The following PLCL1 variants were observed in gnomAD, a reference collection of about 807,000 sequenced individuals.
PLCL1 encodes inactive phospholipase C-like protein 1.
PLCL1 carries 41 observed loss-of-function variants against 84.4 expected under a neutral mutation model. The ratio of observed to expected loss-of-function variants is 0.49; its 90% CI spans 0.38 to 0.63. The LOEUF (loss-of-function observed/expected upper bound fraction) is 0.63. Ranked by LOEUF, PLCL1 falls within the 30% of genes least tolerant of loss-of-function variation. The pLI is 0.00. For missense variants in PLCL1, 1,206 were observed against 1,367.8 expected (o/e 0.88, Z 1.87); for synonymous variants, 490 against 488.3 (o/e 1.00, Z -0.05).
At chr2:197,935,907 G>T (rs1000011285) in intron 1 of PLCL1, among the ~76,000 whole-genome samples, 2 of 152,004 alleles carry the variant, frequency 1.3e-5, no homozygotes, top group African/African-American at 4.8e-5. Context: ...TCCCACCTAT[G>T]CCAGTTCCCA....
At position 197,870,963 on chromosome 2, in the gene PLCL1, C is replaced by T. The variant is rs908789520; in HGVS notation, c.240+65624C>T. On this transcript the variant is annotated intron_variant, in intron 1 of 5. Coordinates refer to ENST00000428675, the MANE Select transcript of PLCL1 (RefSeq NM_006226.4). ...CCATCCGTGATTCAGATGCTCACCT[C>T]GGGAGAGGAGCTGTTTTTCTGGATA... Among the ~76,000 whole-genome samples the T allele has an allele frequency of 5.9e-5, 9 of 151,988 alleles. No homozygotes were observed. In the South Asian group the frequency reaches 1.0e-3, roughly 18 times the overall value.
At chr2:197,969,863 C>T (rs1048214418) in intron 1 of PLCL1, among the ~76,000 whole-genome samples, 1 of 152,192 alleles carries the variant, frequency 6.6e-6, no homozygotes, top group Non-Finnish European at 1.5e-5. Context: ...CCCTGAATGA[C>T]TGCAATGTCC....
chr2:198,045,178 C>G (rs933242071), intron 1 of PLCL1, among the ~76,000 whole-genome samples: 1 of 152,058 alleles, frequency 6.6e-6, no homozygotes, highest in African/African-American at 2.4e-5. Context: ...TATTTATATC[C>G]CAAAACATAG....
chr2:197,959,816 C>G (rs1689572756), intron 1 of PLCL1, among the ~76,000 whole-genome samples: 1 of 152,094 alleles, frequency 6.6e-6, no homozygotes, highest in Non-Finnish European at 1.5e-5. Context: ...CAGATGCTAC[C>G]TGTAGGAGTG....
Position 197,910,449 on chromosome 2 carries a change from C to T in PLCL1, c.240+105110C>T, listed in dbSNP as rs141363808. On this transcript the variant is annotated intron_variant, in intron 1 of 5. Transcript: ENST00000428675. ...TTACCCAAGCCCTCCTTTTACCCCA[C>T]GACCATCTCAGAGATGATTGCTCCT... Among the ~76,000 whole-genome samples, 660 of 152,276 alleles carry T rather than the reference C, an allele frequency of 4.3e-3. 5 individuals carry two copies. The highest frequency in any genetic ancestry group is 0.017 in the Middle Eastern group (5 of 294).
At chr2:197,964,548 G>A (rs1428580490) in intron 1 of PLCL1, among the ~76,000 whole-genome samples, 1 of 152,012 alleles carries the variant, frequency 6.6e-6, no homozygotes, top group East Asian at 1.9e-4. Context: ...CTGCAAACAA[G>A]GAAATTTGAC....
intron 5 of PLCL1, among the ~76,000 whole-genome samples, chr2:198,119,573 C>T (rs1156855970): frequency 1.3e-5 from 2 of 151,886 alleles, no homozygotes; most frequent in South Asian, 2.1e-4. Context: ...CTCTTCATCA[C>T]TCACATCCAG....
At chr2:197,977,505 C>T (rs950831471) in intron 1 of PLCL1, among the ~76,000 whole-genome samples, 2 of 152,186 alleles carry the variant, frequency 1.3e-5, no homozygotes, top group Admixed American at 1.3e-4. Context: ...CTATTCTGAG[C>T]TTTTTCCAAT....
intron 1 of PLCL1, among the ~76,000 whole-genome samples, chr2:198,029,382 T>C (rs186603291): frequency 5.3e-5 from 8 of 152,298 alleles, no homozygotes; most frequent in Admixed American, 4.6e-4. Flanking sequence ...AGAGAGTATC[T>C]ATTCTTAAAG....
At chr2:197,837,283 G>A (rs991434983) in intron 1 of PLCL1, among the ~76,000 whole-genome samples, 1 of 152,174 alleles carries the variant, frequency 6.6e-6, no homozygotes, top group Non-Finnish European at 1.5e-5. Flanking sequence ...GGTTTTATAT[G>A]CATTAATGAT....
intron 3 of PLCL1, among the ~76,000 whole-genome samples, chr2:198,100,347 T>C (rs370914751): frequency 6.6e-6 from 1 of 151,852 alleles, no homozygotes; most frequent in Non-Finnish European, 1.5e-5. Flanking sequence ...AAAAATAGAA[T>C]GTTTTGGGAA....
At chr2:198,066,371 A>G (rs558085894) in intron 1 of PLCL1, among the ~76,000 whole-genome samples, 3 of 152,302 alleles carry the variant, frequency 2.0e-5, no homozygotes, top group Admixed American at 6.5e-5. Flanking sequence ...TGTTTCTACA[A>G]GCAGCTCCTC....
intron 1 of PLCL1, among the ~76,000 whole-genome samples, chr2:197,992,306 C>T (rs917923041): frequency 6.6e-6 from 1 of 151,924 alleles, no homozygotes; most frequent in Non-Finnish European, 1.5e-5. Flanking sequence ...ACTCTGTCAC[C>T]CAGGCTGGAG....
intron 1 of PLCL1, among the ~76,000 whole-genome samples, chr2:197,879,434 C>T (rs1390609765): frequency 1.3e-5 from 2 of 152,150 alleles, no homozygotes. Context: ...GCTGTAATTA[C>T]AGTAGTGCTG....
chr2:197,836,515 G>C (rs1262931035), intron 1 of PLCL1, among the ~76,000 whole-genome samples: 1 of 144,604 alleles, frequency 6.9e-6, no homozygotes, highest in African/African-American at 2.6e-5. Context: ...TGTCACTTCC[G>C]TCTTAGAATA....
At chr2:197,922,838 C>T (rs1688736660) in intron 1 of PLCL1, among the ~76,000 whole-genome samples, 1 of 131,554 alleles carries the variant, frequency 7.6e-6, no homozygotes, top group Admixed American at 7.3e-5. Flanking sequence ...TCCTCACTTC[C>T]CAGTAGGGGC....
chr2:197,957,544 T>C (rs1689518042), intron 1 of PLCL1, among the ~76,000 whole-genome samples: 1 of 152,086 alleles, frequency 6.6e-6, no homozygotes, highest in African/African-American at 2.4e-5. Flanking sequence ...AGTCTGACCT[T>C]AGGCTGTTAA....
intron 1 of PLCL1, among the ~76,000 whole-genome samples, chr2:198,047,001 G>A (rs373745369): frequency 1.8e-4 from 28 of 152,038 alleles, no homozygotes; most frequent in Non-Finnish European, 2.9e-4. Context: ...TGATGTTTTC[G>A]TCTAGAAATG....
intron 1 of PLCL1, among the ~76,000 whole-genome samples, chr2:197,966,548 A>C (rs1689740611): frequency 6.6e-6 from 1 of 152,096 alleles, no homozygotes. Context: ...TGTAAAGTCT[A>C]ACAATCACTG....
Sources: gnomAD v4.1 joint callset for allele counts (sites outside exome capture counted in the v4.1 genomes callset) on GRCh38, gnomAD v4.1.1 for gene constraint, MANE v1.5 for transcripts, NCBI Gene and HGNC (gene_info 2026-07-23, HGNC 2026-07-21) for gene names.